CORO2A: variants seen among roughly 807,000 people sequenced by gnomAD.
CORO2A encodes coronin 2A, also known as coronin-2A.
Under a neutral mutation model 62.4 loss-of-function variants are expected in CORO2A, and 47 were observed. That is an observed-to-expected ratio of 0.75 (90% confidence interval 0.60 to 0.96). The LOEUF is 0.96. CORO2A is among the 40% of genes least tolerant of loss of function. The pLI, the probability that CORO2A is intolerant of heterozygous loss-of-function variation, is 0.00. For missense variants in CORO2A, 610 were observed against 684.1 expected (o/e 0.89, Z 1.21); for synonymous variants, 273 against 268.9 (o/e 1.02, Z -0.15).
chr9:98,160,015 C>A (rs60244725), intron 1 of CORO2A, among the ~76,000 whole-genome samples: 10 of 152,156 alleles, frequency 6.6e-5, no homozygotes, highest in Non-Finnish European at 1.3e-4. Context: ...CAAGTCATAG[C>A]GATAAGGGCC....
chr9:98,188,632 C>T (rs529085795), intron 1 of CORO2A, among the ~76,000 whole-genome samples: 1 of 152,134 alleles, frequency 6.6e-6, no homozygotes, highest in Non-Finnish European at 1.5e-5. Context: ...GGTGTGGTGG[C>T]ACGCACCTGT....
intron 2 of CORO2A, among the ~76,000 whole-genome samples, chr9:98,137,914 C>T (rs983306924): frequency 1.3e-5 from 2 of 152,178 alleles, no homozygotes; most frequent in Non-Finnish European, 2.9e-5. Flanking sequence ...AGGTATTTCA[C>T]AGGTTGGTGT....
At chr9:98,124,995 T>A in intron 11 of CORO2A, 90 bp from the exon 12 acceptor site, 1 of 1,468,666 alleles carries the variant, frequency 6.8e-7, no homozygotes, top group South Asian at 1.3e-5. Context: ...CTCAGAAAGG[T>A]GGAGGCGGTC....
Position 98,132,204 on chromosome 9 carries a change from T to C in CORO2A, c.746A>G (p.Gln249Arg). The C allele has an allele frequency of 6.2e-7, 1 of 1,614,146 alleles. No homozygotes were observed. The highest frequency in any genetic ancestry group is 8.5e-7 in the Non-Finnish European group (1 of 1,179,978). Residue 249 changes from glutamine to arginine, a missense_variant, in exon 6 of 12, where the codon CAG becomes CGG. Gln to Arg is a conservative substitution (Grantham distance 43). Transcript: ENST00000375077. ...STGTSRWNNRQVALWDQDNLS... is the reference protein window; with the variant it reads ...STGTSRWNNRRVALWDQDNLS... ...CCTCACCTGGTCCCACAAGGCCACC[T>C]GCCGGTTGTTCCATCGGGATGTGCC...
chr9:98,134,754 A>G (rs572529399), intron 4 of CORO2A, 52 bp downstream of exon 4: 2 of 1,531,740 alleles, frequency 1.3e-6, no homozygotes, highest in Middle Eastern at 1.7e-4. Context: ...ATTGTATTCC[A>G]GTTTGTGGGA....
At chr9:98,170,869 G>T (rs1828025127) in intron 1 of CORO2A, among the ~76,000 whole-genome samples, 1 of 152,204 alleles carries the variant, frequency 6.6e-6, no homozygotes, top group East Asian at 1.9e-4. Context: ...AGGACGGTCT[G>T]TGGAGGGTGC....
chr9:98,169,271 T>C (rs1828002181), intron 1 of CORO2A, among the ~76,000 whole-genome samples: 2 of 152,108 alleles, frequency 1.3e-5, no homozygotes, highest in African/African-American at 4.8e-5. Flanking sequence ...GAAGTACAGA[T>C]TGAGTCAGAG....
chr9:98,182,209 A>G (rs773769421), intron 1 of CORO2A, among the ~76,000 whole-genome samples: 2 of 152,216 alleles, frequency 1.3e-5, no homozygotes, highest in African/African-American at 2.4e-5. Flanking sequence ...ACAGAAAGTA[A>G]TCAATCGTGA....
chr9:98,189,442 T>G (rs1828278458), intron 1 of CORO2A, among the ~76,000 whole-genome samples: 1 of 152,216 alleles, frequency 6.6e-6, no homozygotes, highest in Admixed American at 6.5e-5. Flanking sequence ...TTCTGGCCAT[T>G]TTGAAATAGC....
At position 98,128,101 on chromosome 9, in the gene CORO2A, T is replaced by C. The variant is rs1346378066; in HGVS notation, c.1171+69A>G. On this transcript the variant is annotated intron_variant, in intron 10 of 11. Transcript: ENST00000375077. The stretch of plus-strand genomic sequence containing the variant: ...AAAATCCAGGCCCAACCCCTCTCAA[T>C]TGCTTGGGGCCACTGGGCACGCCAT... The C allele has an allele frequency of 5.4e-6, 7 of 1,306,628 alleles. No individual in the cohort carries two copies. The African/African-American group carries it at 5.8e-5, about 11-fold the overall frequency. 80.9% of individuals were successfully genotyped at this position (1,306,628 alleles called of 1,614,324 possible).
intron 7 of CORO2A, 46 bp downstream of exon 7, chr9:98,130,908 CT>C (rs1425245904): frequency 6.7e-7 from 1 of 1,500,848 alleles, no homozygotes; most frequent in East Asian, 2.3e-5. Context: ...CTGTCTGCCG[CT>C]GTCTCAGGGG....
At chr9:98,177,615 T>C (rs771189766) in intron 1 of CORO2A, among the ~76,000 whole-genome samples, 3 of 151,722 alleles carry the variant, frequency 2.0e-5, no homozygotes, top group South Asian at 2.1e-4. Context: ...TACAGGCATG[T>C]GCCACCACAC....
intron 2 of CORO2A, among the ~76,000 whole-genome samples, chr9:98,141,096 C>T (rs1259287206): frequency 6.6e-6 from 1 of 152,018 alleles, no homozygotes; most frequent in Admixed American, 6.5e-5. Flanking sequence ...ATACACACAC[C>T]TACACATTCA....
chr9:98,135,937 G>C (rs1449041174), intron 3 of CORO2A, among the ~76,000 whole-genome samples: 1 of 152,168 alleles, frequency 6.6e-6, no homozygotes, highest in Non-Finnish European at 1.5e-5. Context: ...GAAGATGAAG[G>C]TACCACCCGC....
At chr9:98,154,656 G>A (rs1827779300) in intron 2 of CORO2A, among the ~76,000 whole-genome samples, 1 of 151,982 alleles carries the variant, frequency 6.6e-6, no homozygotes, top group Admixed American at 6.6e-5. Flanking sequence ...TTAAAGTATG[G>A]TTTAGTGTAG....
rs532487202 is a variant in CORO2A, at chr9:98,137,650, C to A, written c.240G>T (p.Gly80=). 2 of 1,614,210 alleles carry A rather than the reference C, an allele frequency of 1.2e-6. No individual in the cohort carries two copies. Among genetic ancestry groups the A allele is most frequent in the Non-Finnish European group, 1.7e-6 (2 of 1,180,042 alleles). The change falls in exon 3 of 12, where the codon GGG becomes GGT. Residue 80 remains glycine, a synonymous_variant. Coordinates refer to ENST00000375077, the MANE Select transcript of CORO2A (RefSeq NM_052820.4). ...TGACATCCAAAACGTTGCCTCTGTG[C>A]CCGCAGACTTTTGGGTAGTGGGGGT... ...KLDPHYPKVC[G]HRGNVLDVKW...
At chr9:98,147,202 A>G (rs1015571352) in intron 2 of CORO2A, among the ~76,000 whole-genome samples, 1 of 152,094 alleles carries the variant, frequency 6.6e-6, no homozygotes, top group Non-Finnish European at 1.5e-5. Flanking sequence ...AGTGGCATGT[A>G]TGAGGCAACC....
chr9:98,124,610 C>T lies in CORO2A; in HGVS notation c.*164G>A, dbSNP rs1014190295. ...TGTTGCAAGAAGGCAAACAGAAAAA[C>T]GGCACCATGTCCCACTGGAATCTCT... On this transcript the variant is annotated 3_prime_UTR_variant, in exon 12 of 12. Transcript: ENST00000375077. 1.4e-5 allele frequency: 9 copies of T among 657,828 alleles called. No individual in the cohort carries two copies. The highest frequency in any genetic ancestry group is 4.6e-4 in the Middle Eastern group (1 of 2,156). 40.7% of individuals were successfully genotyped at this position (657,828 alleles called of 1,614,324 possible).
intron 2 of CORO2A, among the ~76,000 whole-genome samples, chr9:98,140,100 G>A (rs1022424955): frequency 3.3e-5 from 5 of 152,120 alleles, no homozygotes; most frequent in African/African-American, 9.7e-5. Context: ...CAGGGACCAG[G>A]ACCCAGGCCC....
Sources: allele counts gnomAD v4.1 joint callset (sites outside exome capture counted in the v4.1 genomes callset), GRCh38; gene constraint gnomAD v4.1.1; transcripts MANE v1.5; gene names NCBI Gene and HGNC (gene_info 2026-07-23, HGNC 2026-07-21).